OSBPL10: variants seen among roughly 807,000 people sequenced by gnomAD.
OSBPL10 encodes the protein oxysterol binding protein like 10, also known as oxysterol-binding protein-related protein 10.
OSBPL10 carries 49 observed loss-of-function variants against 81.7 expected under a neutral mutation model. The ratio of observed to expected loss-of-function variants is 0.60; its 90% confidence interval spans 0.48 to 0.76. The LOEUF (loss-of-function observed/expected upper bound fraction) is 0.76. OSBPL10 is among the 30% of genes least tolerant of loss of function. The pLI is 0.00. For missense variants in OSBPL10, 923 were observed against 987.8 expected, an observed-to-expected ratio of 0.93 and a Z score of 0.88; for synonymous variants, 419 against 383.6, an observed-to-expected ratio of 1.09 and a Z score of -1.08.
chr3:31,792,094 T>C (rs1699025044), intron 4 of OSBPL10, among the ~76,000 whole-genome samples: 1 of 151,898 alleles, frequency 6.6e-6, no homozygotes, highest in Admixed American at 6.6e-5. Context: ...CCAGGTGTGG[T>C]GGCGCACATC....
At chr3:32,011,340 T>C (rs984508130) in intron 2 of OSBPL10, among the ~76,000 whole-genome samples, 1 of 152,174 alleles carries the variant, frequency 6.6e-6, no homozygotes, top group African/African-American at 2.4e-5. Context: ...GGGTCTGGAG[T>C]GGACCTCCAG....
At chr3:31,748,660 A>AAG (rs5847716) in intron 4 of OSBPL10, among the ~76,000 whole-genome samples, 1 of 150,950 alleles carries the variant, frequency 6.6e-6, no homozygotes, top group Admixed American at 6.6e-5. Flanking sequence ...AAAAAAAAAA[A>AAG]TGCTAAACAG....
chr3:31,824,561 G>C (rs35791426), intron 4 of OSBPL10, among the ~76,000 whole-genome samples: 1 of 151,906 alleles, frequency 6.6e-6, no homozygotes, highest in South Asian at 2.1e-4. Flanking sequence ...GTTTGATATC[G>C]TCAAGGGCAA....
At chr3:32,070,119 C>A (rs569586509) in intron 1 of OSBPL10, among the ~76,000 whole-genome samples, 1 of 152,184 alleles carries the variant, frequency 6.6e-6, no homozygotes, top group Non-Finnish European at 1.5e-5. Context: ...CCATCACGGA[C>A]GCCGAGCTTT....
At chr3:31,932,701 T>TCC (rs973451512) in intron 1 of OSBPL10, among the ~76,000 whole-genome samples, 3 of 151,684 alleles carry the variant, frequency 2.0e-5, no homozygotes, top group Non-Finnish European at 4.4e-5. Context: ...CTCCTTCTCC[T>TCC]CCCCCTCCTT....
intron 3 of OSBPL10, among the ~76,000 whole-genome samples, chr3:31,840,323 T>C (rs967081412): frequency 5.3e-5 from 8 of 152,164 alleles, no homozygotes; most frequent in African/African-American, 9.7e-5. Context: ...CAATAACTAA[T>C]CTCTGACAGA....
intron 4 of OSBPL10, among the ~76,000 whole-genome samples, chr3:31,778,661 A>G (rs1698610585): frequency 6.6e-6 from 1 of 152,186 alleles, no homozygotes; most frequent in Admixed American, 6.5e-5. Flanking sequence ...AAACTTGCCT[A>G]GCCTTGCAAG....
At chr3:31,949,465 A>G (rs914073938) in intron 1 of OSBPL10, among the ~76,000 whole-genome samples, 1 of 151,906 alleles carries the variant, frequency 6.6e-6, no homozygotes, top group Non-Finnish European at 1.5e-5. Context: ...TCAGGAGATC[A>G]AGACCATCCT....
intron 1 of OSBPL10, among the ~76,000 whole-genome samples, chr3:31,914,078 A>G (rs1696674877): frequency 6.6e-6 from 1 of 152,022 alleles, no homozygotes; most frequent in East Asian, 1.9e-4. Context: ...CCGCCACCAC[A>G]CCAGGCTAAT....
intron 4 of OSBPL10, among the ~76,000 whole-genome samples, chr3:31,818,222 G>C (rs1699894656): frequency 6.6e-6 from 1 of 152,056 alleles, no homozygotes; most frequent in Non-Finnish European, 1.5e-5. Context: ...TGTAATGTGG[G>C]TGGGCCGCTC....
chr3:32,038,328 TC>T (rs1699538782), intron 2 of OSBPL10, among the ~76,000 whole-genome samples: 3 of 152,284 alleles, frequency 2.0e-5, no homozygotes, highest in Admixed American at 1.3e-4. Flanking sequence ...CAAGTATTTT[TC>T]CTTTTTTTTC....
Position 31,683,833 on chromosome 3 carries a change from G to A in OSBPL10, c.1527C>T (p.Ala509=), listed in dbSNP as rs761459478. Residue 509 remains alanine, a synonymous_variant, in exon 8 of 12, where the codon GCC becomes GCT. Transcript: ENST00000396556. ...KPKRTASRSP[A]SCHEHPMADD... ...CGGCCATTGGGTGTTCGTGACAGCT[G>A]GCAGGAGAGCGGGAAGCAGTCCTCT... 6.2e-7 allele frequency: 1 copy of A among 1,614,240 alleles called. No individual in the cohort carries two copies. The highest frequency in any genetic ancestry group is 8.5e-7 in the Non-Finnish European group (1 of 1,180,052).
chr3:31,915,808 T>A (rs1382272632), intron 1 of OSBPL10, among the ~76,000 whole-genome samples: 1 of 151,730 alleles, frequency 6.6e-6, no homozygotes, highest in Non-Finnish European at 1.5e-5. Context: ...TTAAGAGAAA[T>A]CCAGGCCGGG....
chr3:31,904,416 C>A (rs1696344123), intron 1 of OSBPL10, among the ~76,000 whole-genome samples: 1 of 152,162 alleles, frequency 6.6e-6, no homozygotes, highest in African/African-American at 2.4e-5. Context: ...CCACAAAGGG[C>A]TCCTGGAAAA....
intron 2 of OSBPL10, among the ~76,000 whole-genome samples, chr3:32,023,891 T>G (rs889553094): frequency 6.6e-6 from 1 of 152,162 alleles, no homozygotes; most frequent in Non-Finnish European, 1.5e-5. Flanking sequence ...AGTAAGAGAC[T>G]AACAACAATA....
At chr3:31,860,454 G>A (rs1444043311) in intron 3 of OSBPL10, among the ~76,000 whole-genome samples, 2 of 152,168 alleles carry the variant, frequency 1.3e-5, no homozygotes, top group African/African-American at 4.8e-5. Context: ...AGAAGAATGA[G>A]GGGCTCCAGG....
chr3:31,938,638 A>AG (rs1375197044), intron 1 of OSBPL10, among the ~76,000 whole-genome samples: 3 of 152,062 alleles, frequency 2.0e-5, no homozygotes, highest in African/African-American at 7.2e-5. Flanking sequence ...CCTACCACGT[A>AG]GCTGGGACTA....
intron 1 of OSBPL10, among the ~76,000 whole-genome samples, chr3:31,978,436 AT>A (rs1358884264): frequency 6.6e-6 from 1 of 152,142 alleles, no homozygotes; most frequent in Non-Finnish European, 1.5e-5. Flanking sequence ...AAATGAATAC[AT>A]TTTCAAAGTT....
intron 6 of OSBPL10, among the ~76,000 whole-genome samples, chr3:31,731,398 G>A (rs1250409858): frequency 6.6e-6 from 1 of 151,858 alleles, no homozygotes; most frequent in East Asian, 1.9e-4. Flanking sequence ...ATTAATGACT[G>A]TCTCTACTTT....
Sources: gnomAD v4.1 joint callset for allele counts (sites outside exome capture counted in the v4.1 genomes callset) on GRCh38, gnomAD v4.1.1 for gene constraint, MANE v1.5 for transcripts, NCBI Gene and HGNC (gene_info 2026-07-23, HGNC 2026-07-21) for gene names.